The following CD63 variants were observed in gnomAD, a reference collection of about 807,000 sequenced individuals.
CD63 encodes CD63 antigen.
A neutral mutation model predicts 29.2 loss-of-function variants in CD63; 16 were observed. The ratio of observed to expected loss-of-function variants is 0.55; its 90% CI spans 0.37 to 0.83. The LOEUF is 0.83. Ranked by LOEUF, CD63 falls within the 40% of genes least tolerant of loss-of-function variation. The pLI, the probability that CD63 is intolerant of heterozygous loss-of-function variation, is 0.00. For missense variants in CD63, 251 were observed against 297.3 expected (o/e 0.84, Z 1.15); for synonymous variants, 118 against 111.7 (o/e 1.06, Z -0.36).
upstream of CD63, chr12:55,729,951 G>GC (rs1455830056): frequency 6.6e-6 from 1 of 152,350 alleles, no homozygotes; most frequent in Non-Finnish European, 1.5e-5. Flanking sequence ...TCCCTTGTGT[G>GC]CCAGGGGTGG....
chr12:55,724,587 C>T (rs749189650), downstream of CD63: 6 of 1,574,806 alleles, frequency 3.8e-6, no homozygotes, highest in East Asian at 4.5e-5. Context: ...AGGACAAGGA[C>T]TTTGATTTAT....
chr12:55,729,405 T>C (rs1877768330), upstream of CD63: 1 of 152,990 alleles, frequency 6.5e-6, no homozygotes, highest in African/African-American at 2.4e-5. Flanking sequence ...TGAGGCCGGG[T>C]GACAATGTGG....
downstream of CD63, chr12:55,724,015 A>G (rs775703894): frequency 3.7e-6 from 6 of 1,612,876 alleles, no homozygotes; most frequent in Non-Finnish European, 5.1e-6. Flanking sequence ...CTCCTGCCAC[A>G]CAGGCCCACT....
At chr12:55,724,466 C>G (rs771100082), downstream of CD63, 5 of 1,614,030 alleles carry the variant, frequency 3.1e-6, no homozygotes, top group Non-Finnish European at 4.2e-6. Context: ...CTCTGGCTGC[C>G]TGCCTCCTAC....
At chr12:55,724,062 G>T, downstream of CD63, 1 of 1,605,734 alleles carries the variant, frequency 6.2e-7, no homozygotes. Flanking sequence ...GAGTAGCCAG[G>T]CCCACACAGG....
At chr12:55,727,096 A>G (rs776480967) in intron 3 of CD63, 55 bp downstream of exon 3, 111 of 1,586,306 alleles carry the variant, frequency 7.0e-5, no homozygotes, top group Non-Finnish European at 9.1e-5. Flanking sequence ...CTGAGCCCGA[A>G]CCAAGCTGCT....
Position 55,726,954 on chromosome 12 carries a change from A to C in CD63, c.266T>G (p.Phe89Cys). ...CTCCACCAACATGATAAGAGACAGAAAGATGGCAAACTGCAGGAGCAAAGG... is the reference window on the plus strand; with the variant it reads ...CTCCACCAACATGATAAGAGACAGACAGATGGCAAACTGCAGGAGCAAAGG... Reference protein sequence around the residue: ...NYCLMITFAIFLSLIMLVEVA... With the variant: ...NYCLMITFAICLSLIMLVEVA... The change falls in exon 4 of 8, where the codon TTT becomes TGT. Residue 89 changes from phenylalanine to cysteine, a missense_variant. Phe to Cys is a radical substitution (Grantham distance 205). Transcript: ENST00000257857. The C allele has an allele frequency of 1.2e-6, 2 of 1,614,076 alleles. No individual in the cohort carries two copies. The highest frequency in any genetic ancestry group is 8.5e-7 in the Non-Finnish European group (1 of 1,179,992).
intron 6 of CD63, 106 bp downstream of exon 6, chr12:55,726,015 C>T (rs770798835): frequency 3.1e-5 from 44 of 1,406,764 alleles, no homozygotes; most frequent in Middle Eastern, 1.8e-4. Flanking sequence ...CTTAGCATTT[C>T]CAGATCCCCT....
chr12:55,727,200 A>G lies in CD63; in HGVS notation c.206T>C (p.Phe69Ser). The part of the protein sequence containing the change: ...AVGVFLFLVA[F>S]VGCCGACKEN... ...CTTGCAGGCCCCGCAGCAGCCCACA[A>G]AAGCCACCAGGAAGAGGAAGACACC... The change falls in exon 3 of 8, where the codon TTT (phenylalanine) becomes TCT (serine). Residue 69 changes from phenylalanine (F) to serine (S), a missense_variant. Phe to Ser is a radical substitution (Grantham distance 155, BLOSUM62 -2). Transcript: ENST00000257857. The G allele has an allele frequency of 3.1e-6, 5 of 1,613,800 alleles. No homozygotes were observed. Among genetic ancestry groups the G allele is most frequent in the Non-Finnish European group, 4.2e-6 (5 of 1,180,008 alleles).
chr12:55,725,745 T>TCC (rs538301707), intron 7 of CD63, 68 bp downstream of exon 7: 2 of 1,540,038 alleles, frequency 1.3e-6, no homozygotes, highest in African/African-American at 2.7e-5. Context: ...AGCACCCTCC[T>TCC]CCCCTCAGCC....
chr12:55,726,157 A>G lies in CD63; in HGVS notation c.531T>C (p.Cys177=). 6.2e-7 allele frequency: 1 copy of G among 1,613,724 alleles called. No individual in the cohort carries two copies. Among genetic ancestry groups the G allele is most frequent in the Non-Finnish European group, 8.5e-7 (1 of 1,179,950 alleles). The change falls in exon 6 of 8, where the codon TGT becomes TGC. Residue 177 remains cysteine, a synonymous_variant. Coordinates refer to ENST00000257857, the MANE Select transcript of CD63 (RefSeq NM_001780.6). ...DSCCINVTVG[C]GINFNEKAIH... is the part of the protein sequence containing the mutation. ...TCGCCTTCTCGTTGAAATTAATCCC[A>G]CAGCCCACAGTAACATTAATGCAGC...
rs1162913656 is a variant in CD63 at position 55,728,134 on chromosome 12, G to GT, written c.66+141dup. ...GTGTCCAGGAAAACTGGAGGAGGGA[G>GT]TGGCTGCGCTGTCTTTCCCTGGCTT... On this transcript the variant is annotated intron_variant, in intron 2 of 7. Transcript: ENST00000257857. The surrounding 1 kb of genome is among the most constrained non-coding windows in gnomAD (Gnocchi z 4.8). The GT allele has an allele frequency of 1.2e-6, 1 of 843,644 alleles. No homozygotes were observed. The highest frequency in any genetic ancestry group is 1.9e-6 in the Non-Finnish European group (1 of 531,164). 52.3% of individuals were successfully genotyped at this position (843,644 alleles called of 1,614,324 possible).
chr12:55,728,425 C>T lies in CD63; in HGVS notation c.-11-73G>A, dbSNP rs1044133374. ...CCTCGGTTTCCGGGCTCCCGGCCGG[C>T]CCTCGAGGGCTTCCCTTCACGGCCC... is the stretch of plus-strand genomic sequence containing the variant. On this transcript the variant is annotated intron_variant, in intron 1 of 7. Coordinates refer to ENST00000257857, the MANE Select transcript of CD63 (RefSeq NM_001780.6). The surrounding 1 kb of genome is among the most constrained non-coding windows in gnomAD (Gnocchi z 4.8). 7 of 1,543,890 alleles carry T rather than the reference C, an allele frequency of 4.5e-6. No homozygotes were observed. The highest frequency in any genetic ancestry group is 1.4e-5 in the African/African-American group (1 of 73,350).
intron 2 of CD63, chr12:55,727,713 C>A (rs1167562021): frequency 4.8e-6 from 5 of 1,048,912 alleles, no homozygotes; most frequent in Non-Finnish European, 5.7e-6. Context: ...CGCGCATCAG[C>A]TGTGACTAAG....
At chr12:55,729,427 T>C (rs965743803), upstream of CD63, 2 of 152,584 alleles carry the variant, frequency 1.3e-5, no homozygotes, top group African/African-American at 4.8e-5. Context: ...CTGTGAGGTT[T>C]CCCCATCCTA....
chr12:55,726,165 C>T lies in CD63; in HGVS notation c.523G>A (p.Val175Met). Residue 175 changes from valine to methionine, a missense_variant, in exon 6 of 8, where the codon GTG (valine) becomes ATG (methionine). By Grantham distance (21) the Val-to-Met change is conservative. Coordinates refer to ENST00000257857, the MANE Select transcript of CD63 (RefSeq NM_001780.6). Reference protein sequence around the residue: ...VPDSCCINVTVGCGINFNEKA... With the variant: ...VPDSCCINVTMGCGINFNEKA... The stretch of plus-strand genomic sequence containing the variant: ...TCGTTGAAATTAATCCCACAGCCCA[C>T]AGTAACATTAATGCAGCAGGAGTCG... 6.2e-7 allele frequency: 1 copy of T among 1,613,972 alleles called. No individual in the cohort carries two copies. Among genetic ancestry groups the T allele is most frequent in the Non-Finnish European group, 8.5e-7 (1 of 1,179,974 alleles).
At chr12:55,724,495 G>A, downstream of CD63, 1 of 1,613,520 alleles carries the variant, frequency 6.2e-7, no homozygotes, top group Non-Finnish European at 8.5e-7. Context: ...CAGCCTGGTG[G>A]ATGCTGTGCT....
At chr12:55,723,872 T>C (rs367574522), downstream of CD63, 31 of 1,612,910 alleles carry the variant, frequency 1.9e-5, no homozygotes, top group Non-Finnish European at 2.5e-5. Flanking sequence ...AACTTCGCTC[T>C]GCCCCGACTC....
In CD63 at chr12:55,728,651, T is replaced by G. The variant is rs1461308017; in HGVS notation, c.-11-299A>C. ...CCCTCGGCCCGCCAGTCTCCGGGCG[T>G]CAAACACCCTTTCCCCACCCAACAC... On this transcript the variant is annotated intron_variant, in intron 1 of 7. Coordinates refer to ENST00000257857, the MANE Select transcript of CD63 (RefSeq NM_001780.6). The surrounding 1 kb of genome is among the most constrained non-coding windows in gnomAD (Gnocchi z 4.8). The G allele has an allele frequency of 7.1e-6, 9 of 1,270,408 alleles. No individual in the cohort carries two copies. The highest frequency in any genetic ancestry group is 8.0e-6 in the Non-Finnish European group (8 of 1,003,324). The allele number at this position is 1,270,408 out of a possible 1,614,324, so 78.7% of individuals were successfully genotyped here.
Sources: gnomAD v4.1 joint callset for allele counts on GRCh38, gnomAD v4.1.1 for gene constraint, Gnocchi (gnomAD v3.1) non-coding constraint, MANE v1.5 for transcripts, NCBI Gene and HGNC (gene_info 2026-07-23, HGNC 2026-07-21) for gene names.